ZNF644: variants seen among roughly 807,000 people sequenced by gnomAD.
ZNF644 encodes the protein zinc finger protein 644.
Under a neutral mutation model 108.0 loss-of-function variants are expected in ZNF644, and 20 were observed. The ratio of observed to expected loss-of-function variants is 0.19; its 90% CI spans 0.13 to 0.27. The LOEUF is 0.27. Ranked by LOEUF, ZNF644 falls within the 10% of genes least tolerant of loss-of-function variation. The probability of loss-of-function intolerance (pLI) is 1.00; values close to 1 mark genes in which losing one functional copy is unlikely to be tolerated. For synonymous variants in ZNF644, 542 were observed against 539.1 expected (o/e 1.01, Z -0.08); for missense variants, 1,338 against 1,548.9 (o/e 0.86, Z 2.29).
In ZNF644 at chr1:90,918,078, A is replaced by G; in HGVS notation, c.3765T>C (p.Ala1255=). 6.2e-7 allele frequency: 1 copy of G among 1,614,070 alleles called. No individual in the cohort carries two copies. ...KKKMLTLPHG[A]DEVYILRCRF... is the part of the protein sequence containing the mutation. ...TGCATCGGAGAATGTAAACCTCGTC[A>G]GCACCATGAGGTAATGTTAGCATTT... Residue 1255 remains alanine, a synonymous_variant, in exon 5 of 6, where the codon GCT becomes GCC. Coordinates refer to ENST00000337393, the MANE Select transcript of ZNF644 (RefSeq NM_201269.3).
chr1:90,960,571 T>C (rs1240951051), intron 2 of ZNF644, among the ~76,000 whole-genome samples: 3 of 152,178 alleles, frequency 2.0e-5, no homozygotes, highest in African/African-American at 7.2e-5. Flanking sequence ...ATGTGAATTT[T>C]ACCTCTGTTT....
At chr1:90,945,437 C>T (rs1652422830) in intron 2 of ZNF644, among the ~76,000 whole-genome samples, 2 of 151,988 alleles carry the variant, frequency 1.3e-5, no homozygotes, top group Admixed American at 1.3e-4. Context: ...ATACTGTGAG[C>T]ACTAAAAAAA....
At chr1:90,943,530 C>A (rs1184201580) in intron 2 of ZNF644, among the ~76,000 whole-genome samples, 1 of 152,144 alleles carries the variant, frequency 6.6e-6, no homozygotes, top group African/African-American at 2.4e-5. Flanking sequence ...TGATCTTATT[C>A]TTTCCATAAA....
At chr1:90,966,747 C>CCA (rs765014155) in intron 2 of ZNF644, among the ~76,000 whole-genome samples, 20 of 73,898 alleles carry the variant, frequency 2.7e-4, no homozygotes, top group African/African-American at 1.1e-3. Context: ...GACTCAGTCT[C>CCA]AAAAAAAAAA....
chr1:90,946,951 T>C (rs750885292), intron 2 of ZNF644, among the ~76,000 whole-genome samples: 8 of 152,172 alleles, frequency 5.3e-5, no homozygotes, highest in Non-Finnish European at 8.8e-5. Context: ...CTGCAAAGTA[T>C]AGTAAATACT....
intron 4 of ZNF644, among the ~76,000 whole-genome samples, chr1:90,929,977 T>G (rs192231912): frequency 1.0e-3 from 152 of 152,316 alleles, no homozygotes; most frequent in Non-Finnish European, 1.7e-3. Context: ...TGGGCTTTAC[T>G]TCCAAAACGT....
intron 2 of ZNF644, among the ~76,000 whole-genome samples, chr1:90,971,522 C>T (rs1045288933): frequency 1.3e-5 from 2 of 151,944 alleles, no homozygotes; most frequent in Admixed American, 6.6e-5. Context: ...AGGGTTCAAG[C>T]GATTCTCCTG....
chr1:91,016,889 G>T (rs1237530783), intron 1 of ZNF644, among the ~76,000 whole-genome samples: 1 of 152,192 alleles, frequency 6.6e-6, no homozygotes, highest in Non-Finnish European at 1.5e-5. Flanking sequence ...AGAGTGCAGT[G>T]GCACGGCATC....
intron 1 of ZNF644, among the ~76,000 whole-genome samples, chr1:90,992,822 G>A (rs1223902005): frequency 6.6e-6 from 1 of 152,160 alleles, no homozygotes; most frequent in Non-Finnish European, 1.5e-5. Flanking sequence ...CAAGGCAGGA[G>A]GATCACTTGA....
chr1:90,995,040 C>T (rs1658018436), intron 1 of ZNF644, among the ~76,000 whole-genome samples: 1 of 151,772 alleles, frequency 6.6e-6, no homozygotes. Context: ...CAGTTTCAGG[C>T]AAAAAATACA....
intron 4 of ZNF644, among the ~76,000 whole-genome samples, chr1:90,922,343 T>C (rs1649539796): frequency 6.6e-6 from 1 of 152,174 alleles, no homozygotes; most frequent in Admixed American, 6.5e-5. Flanking sequence ...AGGCACAGTA[T>C]ACCCCTACGA....
chr1:90,918,387 T>TA, intron 4 of ZNF644: 1 of 484,762 alleles, frequency 2.1e-6, no homozygotes, highest in Non-Finnish European at 3.7e-6. Context: ...GTATTCTTCC[T>TA]ATACTGCCTT....
intron 2 of ZNF644, among the ~76,000 whole-genome samples, chr1:90,948,268 G>T (rs1314247799): frequency 2.0e-5 from 3 of 152,318 alleles, no homozygotes; most frequent in South Asian, 2.1e-4. Flanking sequence ...GAACTTAAAA[G>T]CTAAGAATGT....
chr1:90,916,743 A>G lies in ZNF644; in HGVS notation c.*55T>C. 4 of 1,596,338 alleles carry G rather than the reference A, an allele frequency of 2.5e-6. No homozygotes were observed. ...GATAATTTAATGTGGCTTAAAAAAA[A>G]AGAATTTCAAATTTACATCCAATTC... On this transcript the variant is annotated 3_prime_UTR_variant, in exon 6 of 6. Coordinates refer to ENST00000337393, the MANE Select transcript of ZNF644 (RefSeq NM_201269.3).
intron 2 of ZNF644, among the ~76,000 whole-genome samples, chr1:90,955,542 T>C (rs551777123): frequency 6.6e-5 from 10 of 152,364 alleles, no homozygotes; most frequent in East Asian, 5.8e-4. Flanking sequence ...ACATCAGCAC[T>C]TGCTGCATCA....
intron 1 of ZNF644, chr1:91,020,722 G>A (rs1001062115): frequency 2.6e-5 from 4 of 152,088 alleles, no homozygotes; most frequent in African/African-American, 9.7e-5. Context: ...CTTCTCATGG[G>A]ACCAAAAAAT....
At chr1:91,010,557 C>T (rs1173061153) in intron 1 of ZNF644, among the ~76,000 whole-genome samples, 1 of 152,042 alleles carries the variant, frequency 6.6e-6, no homozygotes, top group African/African-American at 2.4e-5. Context: ...TAGCTGTTAT[C>T]TCCTTCCCTT....
chr1:90,961,545 A>C (rs1327415679), intron 2 of ZNF644, among the ~76,000 whole-genome samples: 1 of 152,134 alleles, frequency 6.6e-6, no homozygotes, highest in Non-Finnish European at 1.5e-5. Flanking sequence ...AGGCTATATA[A>C]AGTATGATAT....
chr1:90,987,067 A>G (rs561123740), intron 1 of ZNF644, among the ~76,000 whole-genome samples: 2 of 151,036 alleles, frequency 1.3e-5, no homozygotes, highest in South Asian at 4.1e-4. Context: ...CATGTTTAAA[A>G]AAAAAAAAAA....
Sources: allele counts gnomAD v4.1 joint callset (sites outside exome capture counted in the v4.1 genomes callset), GRCh38; gene constraint gnomAD v4.1.1; transcripts MANE v1.5; gene names NCBI Gene and HGNC (gene_info 2026-07-23, HGNC 2026-07-21).